Variants in CD96 observed in about 807,000 individuals in gnomAD.
The protein encoded by CD96 is T-cell surface protein tactile.
A neutral mutation model predicts 71.3 loss-of-function variants in CD96; 70 were observed. That is an observed-to-expected ratio of 0.98 (90% CI 0.81 to 1.20). CD96 has a LOEUF of 1.20. CD96 is among the 50% of genes most tolerant of loss of function. The pLI is 0.00. For synonymous variants in CD96, 248 were observed against 233.0 expected, an observed-to-expected ratio of 1.06 and a Z score of -0.59; for missense variants, 742 against 677.5, an observed-to-expected ratio of 1.10 and a Z score of -1.06.
chr3:111,581,788 C>A (rs1437046986), intron 4 of CD96, among the ~76,000 whole-genome samples: 1 of 152,174 alleles, frequency 6.6e-6, no homozygotes, highest in Non-Finnish European at 1.5e-5. Flanking sequence ...GTAAGAGATA[C>A]CTCTCCATCC....
chr3:111,606,619 G>A, intron 7 of CD96, 81 bp from the exon 8 acceptor site: 2 of 784,440 alleles, frequency 2.5e-6, no homozygotes, highest in East Asian at 2.6e-5. Flanking sequence ...ATAAAGGAAA[G>A]TGTATTTAAG....
chr3:111,576,975 G>A (rs769398228), intron 3 of CD96, among the ~76,000 whole-genome samples: 7 of 152,018 alleles, frequency 4.6e-5, no homozygotes, highest in African/African-American at 9.7e-5. Context: ...TGTAGGTTAC[G>A]GGGCATTCTT....
intron 6 of CD96, 125 bp downstream of exon 6, chr3:111,598,335 C>A: frequency 2.9e-6 from 2 of 694,624 alleles, no homozygotes; most frequent in Non-Finnish European, 5.3e-6. Context: ...AGAAAAACAT[C>A]ATTCTGCCTA....
downstream of CD96, among the ~76,000 whole-genome samples, chr3:111,656,386 G>A (rs751491887): frequency 2.6e-5 from 4 of 152,150 alleles, no homozygotes; most frequent in Non-Finnish European, 4.4e-5. Flanking sequence ...GGGAAAACAT[G>A]CACACTCATA....
chr3:111,567,793 G>A (rs956860029), intron 3 of CD96, 146 bp downstream of exon 3: 51 of 757,082 alleles, frequency 6.7e-5, no homozygotes, highest in Non-Finnish European at 8.3e-5. Flanking sequence ...AGGGAAGGAA[G>A]GAGAGGTCAC....
intron 10 of CD96, chr3:111,633,897 A>G (rs1358577696): frequency 6.6e-6 from 1 of 152,604 alleles, no homozygotes; most frequent in Non-Finnish European, 1.5e-5. Flanking sequence ...AATCGAAAAC[A>G]GAAGAACTCA....
intron 2 of CD96, among the ~76,000 whole-genome samples, chr3:111,566,594 G>A (rs1330833151): frequency 1.3e-5 from 2 of 152,100 alleles, no homozygotes; most frequent in Non-Finnish European, 2.9e-5. Flanking sequence ...AGATTTTTAG[G>A]ATATTTAGAT....
chr3:111,644,067 C>T (rs1255607982), intron 12 of CD96, among the ~76,000 whole-genome samples: 2 of 152,162 alleles, frequency 1.3e-5, no homozygotes, highest in South Asian at 2.1e-4. Context: ...GGAGGCATCA[C>T]ATACCTGATT....
In CD96 at chr3:111,572,197, T is replaced by A. The variant is rs76799468; in HGVS notation, c.543+4550T>A. Among the ~76,000 whole-genome samples the A allele has an allele frequency of 1.4e-3, 218 of 152,296 alleles. 6 individuals are homozygous for A. The East Asian group carries it at 0.035, about 25-fold the overall frequency. On this transcript the variant is annotated intron_variant, in intron 3 of 13. Coordinates refer to ENST00000352690, the MANE Select transcript of CD96 (RefSeq NM_005816.5). ...CGAACATGCTTAATAGCAACACACC[T>A]TCCCAACCCTTCATGAATAATCATA...
chr3:111,647,051 A>C (rs1939860910), intron 12 of CD96, among the ~76,000 whole-genome samples: 2 of 147,896 alleles, frequency 1.4e-5, no homozygotes, highest in Admixed American at 6.8e-5. Context: ...AACAACAAAC[A>C]CTGAGGCCTA....
At chr3:111,632,361 G>A (rs943293283) in intron 10 of CD96, among the ~76,000 whole-genome samples, 5 of 151,594 alleles carry the variant, frequency 3.3e-5, no homozygotes, top group Admixed American at 6.6e-5. Context: ...CCAGAAACAT[G>A]AAAAAAAAGC....
At chr3:111,641,022 T>C (rs1939565030) in intron 12 of CD96, among the ~76,000 whole-genome samples, 1 of 152,116 alleles carries the variant, frequency 6.6e-6, no homozygotes, top group African/African-American at 2.4e-5. Context: ...CACATCAAAA[T>C]GAACCTGTTT....
intron 5 of CD96, among the ~76,000 whole-genome samples, chr3:111,590,008 T>C (rs755635263): frequency 6.6e-6 from 1 of 152,238 alleles, no homozygotes; most frequent in African/African-American, 2.4e-5. Flanking sequence ...GCACATAGTA[T>C]ACATTTCAGG....
chr3:111,656,919 G>C (rs1463013668), downstream of CD96, among the ~76,000 whole-genome samples: 1 of 151,902 alleles, frequency 6.6e-6, no homozygotes, highest in Non-Finnish European at 1.5e-5. Context: ...ATGGAGAAGT[G>C]TCCTTTCCTG....
chr3:111,630,274 A>C (rs980412831), intron 10 of CD96, among the ~76,000 whole-genome samples: 4 of 152,186 alleles, frequency 2.6e-5, no homozygotes, highest in African/African-American at 9.6e-5. Flanking sequence ...AGCTAGACTA[A>C]TAAGAAGAAA....
At chr3:111,617,906 C>A (rs973625605) in intron 8 of CD96, among the ~76,000 whole-genome samples, 3 of 152,252 alleles carry the variant, frequency 2.0e-5, no homozygotes, top group Non-Finnish European at 4.4e-5. Context: ...GGCTGTAAAA[C>A]CCTCTTTGGA....
At chr3:111,596,432 T>G (rs923938906) in intron 5 of CD96, among the ~76,000 whole-genome samples, 3 of 152,130 alleles carry the variant, frequency 2.0e-5, no homozygotes, top group African/African-American at 4.8e-5. Context: ...AGAGAATTCA[T>G]GAAAGTCAAA....
At chr3:111,591,641 T>A (rs947865460) in intron 5 of CD96, among the ~76,000 whole-genome samples, 2 of 152,182 alleles carry the variant, frequency 1.3e-5, no homozygotes, top group African/African-American at 4.8e-5. Context: ...TGAGTCCAAA[T>A]GTCCAGCCGT....
At chr3:111,639,965 A>C (rs781064911) in intron 12 of CD96, among the ~76,000 whole-genome samples, 1 of 152,190 alleles carries the variant, frequency 6.6e-6, no homozygotes, top group African/African-American at 2.4e-5. Flanking sequence ...CAGTGGGACA[A>C]AATAATCTCA....
Sources: allele counts gnomAD v4.1 joint callset (sites outside exome capture counted in the v4.1 genomes callset), GRCh38; gene constraint gnomAD v4.1.1; transcripts MANE v1.5; gene names NCBI Gene and HGNC (gene_info 2026-07-23, HGNC 2026-07-21).